TIRAP: variants seen among roughly 807,000 people sequenced by gnomAD.
TIRAP encodes toll/interleukin-1 receptor domain-containing adapter protein.
TIRAP carries 20 observed loss-of-function variants against 19.8 expected under a neutral mutation model. The observed-to-expected ratio is 1.01, with a 90% confidence interval of 0.71 to 1.47. The LOEUF (loss-of-function observed/expected upper bound fraction) is 1.47. Among genes scored for constraint, TIRAP ranks in the 40% most tolerant of loss-of-function variants. The probability of loss-of-function intolerance (pLI) is 0.00; values close to 1 mark genes in which losing one functional copy is unlikely to be tolerated. For synonymous variants in TIRAP, 125 were observed against 121.7 expected (o/e 1.03, Z -0.18); for missense variants, 276 against 285.1 (o/e 0.97, Z 0.23).
intron 4 of TIRAP, 163 bp downstream of exon 4, chr11:126,293,218 A>C: frequency 1.5e-6 from 2 of 1,374,958 alleles, no homozygotes; most frequent in Non-Finnish European, 1.0e-6. Flanking sequence ...AACCCATAAA[A>C]AGTAACTTGG....
intron 1 of TIRAP, among the ~76,000 whole-genome samples, chr11:126,283,539 A>G (rs1193679026): frequency 1.3e-5 from 2 of 152,104 alleles, no homozygotes; most frequent in African/African-American, 2.4e-5. Context: ...TCGGGTTGTC[A>G]TTGTGGCAGT....
rs940026754 is a variant in TIRAP, at chr11:126,294,533, T to C, written c.*846T>C. ...CAGTGGTCTGGCTAAAGCTGATACT[T>C]TCACAGTCACCATCTTCACCTTTGG... On this transcript the variant is annotated 3_prime_UTR_variant, in exon 5 of 5. Transcript: ENST00000392679. 3.5e-5 allele frequency: 16 copies of C among 456,192 alleles called. No individual in the cohort carries two copies. Among genetic ancestry groups the C allele is most frequent in the Non-Finnish European group, 6.2e-5 (14 of 226,974 alleles). The allele number at this position is 456,192 out of a possible 1,614,324, so 28.3% of individuals were successfully genotyped here.
At chr11:126,289,615 T>A in intron 1 of TIRAP, 2 of 975,922 alleles carry the variant, frequency 2.0e-6, no homozygotes, top group Non-Finnish European at 2.4e-6. Context: ...TTTTAGTGTG[T>A]CTAATAATAC....
rs1951283629 is a variant in TIRAP, at chr11:126,283,779, G to A, written c.-217+626G>A. 2.0e-5 allele frequency among the ~76,000 whole-genome samples: 3 copies of A among 152,288 alleles called. 1 individual carries two copies. In the South Asian group the frequency reaches 6.2e-4, roughly 32 times the overall value. ...GGGGGAAGTGTGGAGAACTCCCGTT[G>A]AAACACCAAACCTAGGGGACACCAG... On this transcript the variant is annotated intron_variant, in intron 1 of 4. Coordinates refer to ENST00000392679, the MANE Select transcript of TIRAP (RefSeq NM_001318777.2).
rs1178076448 is a variant in TIRAP at position 126,291,966 on chromosome 11, C to G, written c.68-511C>G. 6.6e-6 allele frequency among the ~76,000 whole-genome samples: 1 copy of G among 151,962 alleles called. No homozygotes were observed. Among genetic ancestry groups the G allele is most frequent in the Non-Finnish European group, 1.5e-5 (1 of 68,016 alleles). The stretch of plus-strand genomic sequence containing the variant: ...TCCAGAGTTCTGACACGTCCAAAAC[C>G]TTTACCTTTAGAGGGCACTTTTAGG... On this transcript the variant is annotated intron_variant, in intron 3 of 4. Coordinates refer to ENST00000392679, the MANE Select transcript of TIRAP (RefSeq NM_001318777.2). The surrounding 1 kb of genome is among the most constrained non-coding windows in gnomAD (Gnocchi z 5.6).
chr11:126,292,419 T>G, intron 3 of TIRAP, 58 bp from the exon 4 acceptor site: 1 of 1,587,062 alleles, frequency 6.3e-7, no homozygotes, highest in Non-Finnish European at 8.6e-7. Context: ...CCTCCCTGTG[T>G]GGGCAGTGAG....
rs201470535 is a variant in TIRAP, at chr11:126,292,477, A to G, written c.68A>G (p.Asp23Gly). 6.2e-7 allele frequency: 1 copy of G among 1,613,662 alleles called. No homozygotes were observed. Among genetic ancestry groups the G allele is most frequent in the Non-Finnish European group, 8.5e-7 (1 of 1,179,902 alleles). Reference protein sequence around the residue: ...RPKKPLGKMADWFRQTLLKKP... With the variant: ...RPKKPLGKMAGWFRQTLLKKP... ...CCTGAGCAGTGTTTCTCCCCCACAG[A>G]CTGGTTCAGGCAGACCCTGCTGAAG... The change falls in exon 4 of 5, where the codon GAC becomes GGC. Residue 23 changes from aspartate to glycine, a missense_variant and splice_region_variant. Asp to Gly is a moderately conservative substitution (Grantham distance 94). Coordinates refer to ENST00000392679, the MANE Select transcript of TIRAP (RefSeq NM_001318777.2).
chr11:126,283,983 G>A (rs993328685), intron 1 of TIRAP, among the ~76,000 whole-genome samples: 2 of 151,360 alleles, frequency 1.3e-5, no homozygotes, highest in African/African-American at 4.9e-5. Context: ...CCATAAAATA[G>A]GTTTGCCTGT....
chr11:126,292,826 T>A lies in TIRAP; in HGVS notation c.417T>A (p.Ser139Arg). The A allele has an allele frequency of 6.2e-7, 1 of 1,613,046 alleles. No individual in the cohort carries two copies. The highest frequency in any genetic ancestry group is 8.5e-7 in the Non-Finnish European group (1 of 1,179,890). Residue 139 changes from serine to arginine, a missense_variant, in exon 4 of 5, where the codon AGT becomes AGA. Transcript: ENST00000392679. ...CCGAGCTGTGCCAGGCACTGAGCAG[T>A]AGTCACTGCCGGGTGCTGCTCATCA... ...IVSELCQALSSSHCRVLLITP... is the reference protein window; with the variant it reads ...IVSELCQALSRSHCRVLLITP...
At chr11:126,289,951 A>G (rs1407793086) in intron 1 of TIRAP, 3 of 447,788 alleles carry the variant, frequency 6.7e-6, no homozygotes, top group Non-Finnish European at 8.9e-6. Context: ...ACTTTGGAAC[A>G]GCACTGAATT....
intron 1 of TIRAP, among the ~76,000 whole-genome samples, chr11:126,285,969 G>T (rs1343009685): frequency 6.7e-6 from 1 of 150,268 alleles, no homozygotes; most frequent in Non-Finnish European, 1.5e-5. Flanking sequence ...ATGGAAGACT[G>T]CTTGAGCCTT....
rs559338971 is a variant in TIRAP, at chr11:126,285,550, G to A, written c.-217+2397G>A. Among the ~76,000 whole-genome samples the A allele has an allele frequency of 7.4e-4, 112 of 151,962 alleles. 1 individual carries two copies. The South Asian group carries it at 0.022, about 31-fold the overall frequency. Reference sequence around the variant, plus strand: ...GCCGGGATTACAGGTGTGAGCCACTGTGCCCAGCCCTGGATATATATTTTT... The same window carrying A: ...GCCGGGATTACAGGTGTGAGCCACTATGCCCAGCCCTGGATATATATTTTT... On this transcript the variant is annotated intron_variant, in intron 1 of 4. Coordinates refer to ENST00000392679, the MANE Select transcript of TIRAP (RefSeq NM_001318777.2).
chr11:126,283,504 C>T (rs917255775), intron 1 of TIRAP, among the ~76,000 whole-genome samples: 2 of 152,250 alleles, frequency 1.3e-5, no homozygotes, highest in South Asian at 2.1e-4. Context: ...TTCTCTGCTC[C>T]GGTCACAGCC....
intron 4 of TIRAP, 80 bp from the exon 5 acceptor site, chr11:126,293,588 G>C (rs1447258994): frequency 1.3e-6 from 2 of 1,534,814 alleles, no homozygotes; most frequent in Non-Finnish European, 1.8e-6. Context: ...TAGATAAAAA[G>C]ATAGAAGAGG....
At chr11:126,289,659 TCA>T in intron 1 of TIRAP, 2 of 985,460 alleles carry the variant, frequency 2.0e-6, no homozygotes, top group South Asian at 4.7e-5. Context: ...TGTTTTGATC[TCA>T]CAGATCCACC....
intron 1 of TIRAP, among the ~76,000 whole-genome samples, chr11:126,283,386 CA>C (rs1477943222): frequency 6.6e-6 from 1 of 152,238 alleles, no homozygotes; most frequent in Non-Finnish European, 1.5e-5. Context: ...AGGAGAATGT[CA>C]CCTTTTCTGT....
At position 126,290,692 on chromosome 11, in the gene TIRAP, G is replaced by C; in HGVS notation, c.-93+107G>C. 7.4e-7 allele frequency: 1 copy of C among 1,360,440 alleles called. No individual in the cohort carries two copies. Among genetic ancestry groups the C allele is most frequent in the Non-Finnish European group, 9.4e-7 (1 of 1,059,692 alleles). The allele number at this position is 1,360,440 out of a possible 1,614,324, so 84.3% of individuals were successfully genotyped here. The stretch of plus-strand genomic sequence containing the variant: ...AGGAATGAAAGACCCATTTAGAGAA[G>C]AAGCCTCTGTCAGGCATTAGGAGAG... On this transcript the variant is annotated intron_variant, in intron 2 of 4. Coordinates refer to ENST00000392679, the MANE Select transcript of TIRAP (RefSeq NM_001318777.2). This position sits in a 1 kb window ranked among gnomAD's most constrained non-coding sequence, Gnocchi z 4.9.
Position 126,292,983 on chromosome 11 carries a change from C to T in TIRAP, c.574C>T (p.Arg192Ter), listed in dbSNP as rs149490135. Residue 192 changes from arginine to a stop codon, truncating the protein, a stop_gained, in exon 4 of 5, where the codon CGA becomes TGA. Coordinates refer to ENST00000392679, the MANE Select transcript of TIRAP (RefSeq NM_001318777.2). LOFTEE classifies it high-confidence loss of function. Reference protein sequence around the residue: ...LSRAAYPPELRFMYYVDGRGP... With the variant: ...LSRAAYPPEL ...CAGAGCTGCCTACCCACCTGAGCTCCGATTCATGTACTACGTCGATGGCAG... is the reference window on the plus strand; with the variant it reads ...CAGAGCTGCCTACCCACCTGAGCTCTGATTCATGTACTACGTCGATGGCAG... The T allele has an allele frequency of 8.7e-5, 141 of 1,614,040 alleles. 1 individual carries two copies. The highest frequency in any genetic ancestry group is 4.9e-4 in the Middle Eastern group (3 of 6,084).
chr11:126,283,778 T>G (rs1336078331), intron 1 of TIRAP, among the ~76,000 whole-genome samples: 1 of 152,128 alleles, frequency 6.6e-6, no homozygotes, highest in African/African-American at 2.4e-5. Context: ...GAACTCCCGT[T>G]GAAACACCAA....
Sources: gnomAD v4.1 joint callset for allele counts (sites outside exome capture counted in the v4.1 genomes callset) on GRCh38, gnomAD v4.1.1 for gene constraint, Gnocchi (gnomAD v3.1) non-coding constraint, MANE v1.5 for transcripts, NCBI Gene and HGNC (gene_info 2026-07-23, HGNC 2026-07-21) for gene names.